Variants in BRDT observed in about 807,000 individuals in gnomAD.
BRDT encodes bromodomain testis associated.
A neutral mutation model predicts 113.9 loss-of-function variants in BRDT; 77 were observed. That is an observed-to-expected ratio of 0.68 (90% confidence interval 0.56 to 0.82). BRDT has a LOEUF of 0.82. Among genes scored for constraint, BRDT ranks in the 40% least tolerant of loss-of-function variants. The pLI is 0.00. For missense variants in BRDT, 1,027 were observed against 1,105.4 expected, an observed-to-expected ratio of 0.93 and a Z score of 1.01; for synonymous variants, 358 against 366.5, an observed-to-expected ratio of 0.98 and a Z score of 0.26.
intron 18 of BRDT, among the ~76,000 whole-genome samples, chr1:92,010,566 C>T (rs1687709402): frequency 6.6e-6 from 1 of 152,110 alleles, no homozygotes; most frequent in South Asian, 2.1e-4. Flanking sequence ...GGATTACAGG[C>T]ATGAGCCACC....
rs1326046161 is a variant in BRDT, at chr1:91,994,176, T to A, written c.2209T>A (p.Leu737Ile). The A allele has an allele frequency of 6.2e-7, 1 of 1,613,250 alleles. No homozygotes were observed. Among genetic ancestry groups the A allele is most frequent in the Non-Finnish European group, 8.5e-7 (1 of 1,179,342 alleles). Residue 737 changes from leucine (L) to isoleucine (I), a missense_variant, in exon 15 of 19, where the codon TTA (leucine) becomes ATA (isoleucine). By Grantham distance (5) the Leu-to-Ile change is conservative. Transcript: ENST00000399546. ...SHVMPPNHHQ[L>I]AFNYQELEHL... Reference sequence around the variant, plus strand: ...TGTAATGCCACCAAATCACCACCAATTAGCATTTAATTATCAAGAATTAGA... The same window carrying A: ...TGTAATGCCACCAAATCACCACCAAATAGCATTTAATTATCAAGAATTAGA...
intron 3 of BRDT, 80 bp from the exon 4 acceptor site, chr1:91,968,066 C>T: frequency 6.9e-7 from 1 of 1,449,188 alleles, no homozygotes; most frequent in South Asian, 1.3e-5. Flanking sequence ...TACTGCCTTC[C>T]ATAAAGTGGG....
At chr1:91,968,650 T>C (rs1169193758) in intron 4 of BRDT, among the ~76,000 whole-genome samples, 1 of 152,248 alleles carries the variant, frequency 6.6e-6, no homozygotes, top group East Asian at 1.9e-4. Context: ...AATGTTAGTA[T>C]TGCGTTGGAA....
chr1:92,012,362 G>A (rs142869620), intron 18 of BRDT, among the ~76,000 whole-genome samples: 4 of 151,508 alleles, frequency 2.6e-5, no homozygotes, highest in African/African-American at 9.7e-5. Context: ...GTTCTCTATC[G>A]ATAATTGTTC....
Position 91,976,408 on chromosome 1 carries a change from A to G in BRDT, c.588A>G (p.Ser196=). 1.9e-6 allele frequency: 3 copies of G among 1,594,554 alleles called. No individual in the cohort carries two copies. The highest frequency in any genetic ancestry group is 2.6e-6 in the Non-Finnish European group (3 of 1,173,112). ...CCTTGAACGTGGTACAGGGAGCTTC[A>G]GTCAACTCCAGTTCACAAACTGCGG... ...ISPLNVVQGA[S]VNSSSQTAAQ... is the part of the protein sequence containing the mutation. Residue 196 remains serine (S), a synonymous_variant, in exon 5 of 19, where the codon TCA becomes TCG. Transcript: ENST00000399546.
intron 4 of BRDT, among the ~76,000 whole-genome samples, chr1:91,971,996 G>A (rs895101874): frequency 2.0e-5 from 3 of 149,806 alleles, no homozygotes; most frequent in Admixed American, 6.7e-5. Flanking sequence ...TATCCTTCCA[G>A]CTATTGTTCC....
At chr1:91,956,881 G>A (rs1484752958) in intron 1 of BRDT, among the ~76,000 whole-genome samples, 2 of 152,190 alleles carry the variant, frequency 1.3e-5, no homozygotes, top group Non-Finnish European at 2.9e-5. Context: ...CAAGATTGCA[G>A]TGAGCCATGA....
chr1:91,980,789 G>T lies in BRDT; in HGVS notation c.1434G>T (p.Met478Ile). ...ATCCAAGAAAAATGTGTGAGCAAAT[G>T]AGGCTAAAGGAAAAGTCCAAGAGAA... ...NENPRKMCEQ[M>I]RLKEKSKRNQ... The change falls in exon 9 of 19, where the codon ATG (methionine) becomes ATT (isoleucine). Residue 478 changes from methionine to isoleucine, a missense_variant. Met to Ile is a conservative substitution (Grantham distance 10). Transcript: ENST00000399546. 1.3e-6 allele frequency: 2 copies of T among 1,598,292 alleles called. No individual in the cohort carries two copies. The highest frequency in any genetic ancestry group is 2.2e-5 in the East Asian group (1 of 44,758).
At chr1:92,007,198 C>CT (rs1186701016) in intron 18 of BRDT, among the ~76,000 whole-genome samples, 6 of 151,640 alleles carry the variant, frequency 4.0e-5, no homozygotes, top group South Asian at 2.1e-4. Flanking sequence ...TTCTCTCTCT[C>CT]TTTTTTTTTC....
intron 1 of BRDT, among the ~76,000 whole-genome samples, chr1:91,961,958 C>A (rs537292197): frequency 1.3e-5 from 2 of 151,708 alleles, no homozygotes; most frequent in South Asian, 4.2e-4. Flanking sequence ...GAGATCTAGA[C>A]CACGGTGAAA....
rs769127568 is a variant in BRDT, at chr1:91,976,285, T to C, written c.465T>C (p.Ala155=). 32 of 1,609,292 alleles carry C rather than the reference T, an allele frequency of 2.0e-5. No homozygotes were observed. In the South Asian group the frequency reaches 2.9e-4, roughly 15 times the overall value. ...TTCCAGGCACTCAACAGAATATAGC[T>C]GTTTCTTCTGCTAAAGAAAAATCAT... The part of the protein sequence containing the change: ...RIKKGTQQNI[A]VSSAKEKSSP... The change falls in exon 5 of 19, where the codon GCT becomes GCC. Residue 155 remains alanine, a synonymous_variant. Coordinates refer to ENST00000399546, the MANE Select transcript of BRDT (RefSeq NM_207189.4).
At position 91,980,729 on chromosome 1, in the gene BRDT, A is replaced by T. The variant is rs1182410038; in HGVS notation, c.1374A>T (p.Glu458Asp). 1.2e-6 allele frequency: 2 copies of T among 1,608,526 alleles called. No individual in the cohort carries two copies. Among genetic ancestry groups the T allele is most frequent in the South Asian group, 2.2e-5 (2 of 89,036 alleles). Residue 458 changes from glutamate (E) to aspartate (D), a missense_variant, in exon 9 of 19, where the codon GAA (glutamate) becomes GAT (aspartate). Physicochemically the swap from Glu to Asp is conservative, Grantham distance 45. Transcript: ENST00000399546. Reference protein sequence around the residue: ...LNKKKEKSKKEKKKEKVNNSN... With the variant: ...LNKKKEKSKKDKKKEKVNNSN... ...AAAAGAAAGAGAAGTCTAAAAAGGA[A>T]AAGAAAAAAGAAAAGGTTAATAACA...
intron 15 of BRDT, among the ~76,000 whole-genome samples, chr1:91,995,768 C>G (rs1001110566): frequency 1.3e-5 from 2 of 152,088 alleles, no homozygotes; most frequent in Non-Finnish European, 2.9e-5. Context: ...TCCTGAGTAG[C>G]TGTGATTACA....
At chr1:91,981,404 T>TGTA in intron 11 of BRDT, 23 bp downstream of exon 11, 3 of 1,490,830 alleles carry the variant, frequency 2.0e-6, no homozygotes, top group Non-Finnish European at 2.8e-6. Context: ...TTTTGTTTGT[T>TGTA]TGTATGTATG....
At chr1:91,998,361 T>TG (rs1346857986) in intron 15 of BRDT, among the ~76,000 whole-genome samples, 1 of 151,606 alleles carries the variant, frequency 6.6e-6, no homozygotes, top group Admixed American at 6.6e-5. Context: ...TGTTGGGGGA[T>TG]GGGGGGCTAG....
chr1:91,981,514 G>A (rs1684728929), intron 11 of BRDT, 104 bp from the exon 12 acceptor site: 2 of 1,557,244 alleles, frequency 1.3e-6, no homozygotes, highest in Admixed American at 1.8e-5. Flanking sequence ...AAAGTGCTGA[G>A]ATTACAGGCA....
At chr1:91,976,811 A>G (rs1684179967) in intron 5 of BRDT, among the ~76,000 whole-genome samples, 1 of 152,178 alleles carries the variant, frequency 6.6e-6, no homozygotes, top group Admixed American at 6.6e-5. Flanking sequence ...TAAGGTTTGC[A>G]CAAGACATTC....
At chr1:91,958,868 G>A (rs114409279) in intron 1 of BRDT, among the ~76,000 whole-genome samples, 10,166 of 152,090 alleles carry the variant, frequency 0.067, 397 homozygotes, top group African/African-American at 0.096. Context: ...CAGCCTGGGT[G>A]ACATGGCAAA....
In BRDT at chr1:92,014,219, T is replaced by C. The variant is rs188677822; in HGVS notation, c.2789T>C (p.Ile930Thr). 1 of 1,589,178 alleles carries C rather than the reference T, an allele frequency of 6.3e-7. No homozygotes were observed. Among genetic ancestry groups the C allele is most frequent in the East Asian group, 2.3e-5 (1 of 43,618 alleles). ...CTTTTTCTACAGATGGTGGGTACCA[T>C]TGATATGACCCTTCAAAGTGACATT... ...RRRREAMVGT[I>T]DMTLQSDIMT... The change falls in exon 19 of 19, where the codon ATT (isoleucine) becomes ACT (threonine). Residue 930 changes from isoleucine to threonine, a missense_variant. By Grantham distance (89) the Ile-to-Thr change is moderately conservative. Transcript: ENST00000399546.
Sources: gnomAD v4.1 joint callset for allele counts (sites outside exome capture counted in the v4.1 genomes callset) on GRCh38, gnomAD v4.1.1 for gene constraint, MANE v1.5 for transcripts, NCBI Gene and HGNC (gene_info 2026-07-23, HGNC 2026-07-21) for gene names.